The following USP13 variants were observed in gnomAD, a reference collection of about 807,000 sequenced individuals.
USP13 encodes ubiquitin carboxyl-terminal hydrolase 13.
USP13 carries 68 observed loss-of-function variants against 107.8 expected under a neutral mutation model. That is an observed-to-expected ratio of 0.63 (90% CI 0.52 to 0.77). USP13 has a LOEUF of 0.77. Among genes scored for constraint, USP13 ranks in the 30% least tolerant of loss-of-function variants. The pLI is 0.00. For missense variants in USP13, 945 were observed against 1,093.3 expected (o/e 0.86, Z 1.91); for synonymous variants, 377 against 389.5 (o/e 0.97, Z 0.38).
chr3:179,689,572 C>T (rs1426351174), intron 2 of USP13, among the ~76,000 whole-genome samples: 2 of 151,664 alleles, frequency 1.3e-5, no homozygotes, highest in East Asian at 1.9e-4. Flanking sequence ...GCAGGAGACT[C>T]GCTTGAACCC....
intron 1 of USP13, among the ~76,000 whole-genome samples, chr3:179,664,862 C>T (rs1053921949): frequency 3.9e-5 from 6 of 152,110 alleles, no homozygotes; most frequent in South Asian, 2.1e-4. Context: ...CTGAGGTGGG[C>T]GGATCACCTG....
At position 179,745,198 on chromosome 3, in the gene USP13, G is replaced by A; in HGVS notation, c.1690G>A (p.Ala564Thr). ...VDDFWSSALQ[A>T]KSAGVKTSRF... ...TGATTTCTGGAGCAGTGCCCTACAA[G>A]CAAAGTCTGCGGGTGTGAAGTAAGT... Residue 564 changes from alanine to threonine, a missense_variant, in exon 13 of 21, where the codon GCA (alanine) becomes ACA (threonine). Coordinates refer to ENST00000263966, the MANE Select transcript of USP13 (RefSeq NM_003940.3). 1.2e-6 allele frequency: 2 copies of A among 1,603,326 alleles called. No homozygotes were observed. The highest frequency in any genetic ancestry group is 1.7e-6 in the Non-Finnish European group (2 of 1,174,872).
chr3:179,765,731 A>G lies in USP13; in HGVS notation c.2296A>G (p.Ser766Gly). Reference sequence around the variant, plus strand: ...GGAAAGAGCACTGGATTGGATCTTTAGCCACCCTGAGTTTGAAGAAGACAG... The same window carrying G: ...GGAAAGAGCACTGGATTGGATCTTTGGCCACCCTGAGTTTGAAGAAGACAG... Reference protein sequence around the residue: ...NLERALDWIFSHPEFEEDSDF... With the variant: ...NLERALDWIFGHPEFEEDSDF... Residue 766 changes from serine (S) to glycine (G), a missense_variant, in exon 19 of 21, where the codon AGC becomes GGC. Coordinates refer to ENST00000263966, the MANE Select transcript of USP13 (RefSeq NM_003940.3). The G allele has an allele frequency of 6.2e-7, 1 of 1,614,200 alleles. No individual in the cohort carries two copies. Among genetic ancestry groups the G allele is most frequent in the Non-Finnish European group, 8.5e-7 (1 of 1,180,008 alleles).
At position 179,754,750 on chromosome 3, in the gene USP13, C is replaced by T. The variant is rs1204107730; in HGVS notation, c.1817C>T (p.Pro606Leu). ...PKKFDVSIDMPDLLDINHLRA... is the reference protein window; with the variant it reads ...PKKFDVSIDMLDLLDINHLRA... ...TTTGCAGATGTTTCTATTGATATGC[C>T]AGACCTACTTGATATCAACCATCTC... Residue 606 changes from proline (P) to leucine (L), a missense_variant, in exon 15 of 21, where the codon CCA (proline) becomes CTA (leucine). Transcript: ENST00000263966. 1 of 1,613,048 alleles carries T rather than the reference C, an allele frequency of 6.2e-7. No homozygotes were observed. Among genetic ancestry groups the T allele is most frequent in the Admixed American group, 1.7e-5 (1 of 59,806 alleles).
chr3:179,749,782 A>G (rs909150945), intron 13 of USP13, among the ~76,000 whole-genome samples: 2 of 152,138 alleles, frequency 1.3e-5, no homozygotes, highest in Non-Finnish European at 1.5e-5. Context: ...TACCGCTATT[A>G]TGGTATTACA....
At position 179,765,692 on chromosome 3, in the gene USP13, T is replaced by C; in HGVS notation, c.2260-3T>C. On this transcript the variant is annotated splice_region_variant and splice_polypyrimidine_tract_variant and intron_variant, in intron 18 of 20. Transcript: ENST00000263966. ...AAAACATCTGTTTCTTTTTTGTTGT[T>C]AGAATAATAACCTGGAAAGAGCACT... 6.2e-7 allele frequency: 1 copy of C among 1,613,806 alleles called. No individual in the cohort carries two copies. Among genetic ancestry groups the C allele is most frequent in the Non-Finnish European group, 8.5e-7 (1 of 1,179,858 alleles).
At chr3:179,724,783 T>G (rs1039505830) in intron 8 of USP13, among the ~76,000 whole-genome samples, 1 of 152,254 alleles carries the variant, frequency 6.6e-6, no homozygotes, top group Admixed American at 6.5e-5. Flanking sequence ...ATCTAGCGTT[T>G]CTTCTGCATT....
At chr3:179,693,630 G>A (rs894542735) in intron 3 of USP13, among the ~76,000 whole-genome samples, 4 of 152,024 alleles carry the variant, frequency 2.6e-5, no homozygotes, top group African/African-American at 9.7e-5. Flanking sequence ...GGTTACATCT[G>A]GTTTATGTAA....
rs755110784 is a variant in USP13, at chr3:179,784,136, A to ACCT, written c.2587_2588insCCT (p.Ser863delinsThrCys). On this transcript the variant is annotated protein_altering_variant, in exon 21 of 21. Coordinates refer to ENST00000263966, the MANE Select transcript of USP13 (RefSeq NM_003940.3). ...CATGTACTTTTACCGCAGGATACCAAGCTAAACCTCAAATATAAAAATTGG... is the reference window on the plus strand; with the variant it reads ...CATGTACTTTTACCGCAGGATACCAACCTGCTAAACCTCAAATATAAAAATTGG... The ACCT allele has an allele frequency of 6.2e-7, 1 of 1,602,652 alleles. No individual in the cohort carries two copies. Among genetic ancestry groups the ACCT allele is most frequent in the Non-Finnish European group, 8.5e-7 (1 of 1,177,224 alleles).
chr3:179,747,468 C>T (rs1266083142), intron 13 of USP13, among the ~76,000 whole-genome samples: 4 of 152,124 alleles, frequency 2.6e-5, no homozygotes, highest in Admixed American at 1.3e-4. Flanking sequence ...GCCTGGCCCT[C>T]GGCCACCCCT....
chr3:179,743,010 C>T (rs1327301666), intron 12 of USP13, among the ~76,000 whole-genome samples: 1 of 152,166 alleles, frequency 6.6e-6, no homozygotes, highest in African/African-American at 2.4e-5. Flanking sequence ...GACAAAATAG[C>T]TGCTGGATTG....
At chr3:179,662,558 A>G (rs1178797314) in intron 1 of USP13, among the ~76,000 whole-genome samples, 1 of 152,058 alleles carries the variant, frequency 6.6e-6, no homozygotes, top group East Asian at 1.9e-4. Flanking sequence ...GTCTTGAAAA[A>G]ATCCCTTTGC....
intron 14 of USP13, among the ~76,000 whole-genome samples, chr3:179,752,888 T>C (rs539761122): frequency 1.6e-3 from 248 of 152,292 alleles, no homozygotes; most frequent in Admixed American, 2.5e-3. Context: ...CTTAATAAAG[T>C]AGAAAAAAAG....
intron 3 of USP13, among the ~76,000 whole-genome samples, chr3:179,699,751 A>T (rs1366221637): frequency 0.013 from 935 of 70,608 alleles, 5 homozygotes; most frequent in Middle Eastern, 0.025. Context: ...TATTTATTTT[A>T]TTTATTTATT....
Position 179,730,278 on chromosome 3 carries a change from ATT to A in USP13, c.1160+28_1160+29del, listed in dbSNP as rs11309768. On this transcript the variant is annotated intron_variant, in intron 9 of 20. Transcript: ENST00000263966. Reference sequence around the variant, plus strand: ...ACACAGATGTAAGTGCCAGATTTGTATTTTTTTTTTTCTAGAAAAAGCATCCA... The same window carrying A: ...ACACAGATGTAAGTGCCAGATTTGTATTTTTTTTTCTAGAAAAAGCATCCA... The A allele has an allele frequency of 4.9e-4, 627 of 1,290,480 alleles. No individual in the cohort carries two copies. The highest frequency in any genetic ancestry group is 1.3e-3 in the Admixed American group (61 of 47,976). 79.9% of individuals were successfully genotyped at this position (1,290,480 alleles called of 1,614,324 possible).
At chr3:179,682,634 G>A (rs139354608) in intron 2 of USP13, among the ~76,000 whole-genome samples, 4 of 152,178 alleles carry the variant, frequency 2.6e-5, no homozygotes, top group African/African-American at 7.2e-5. Flanking sequence ...TGTCCATGTC[G>A]AGATACATCT....
chr3:179,757,899 G>A (rs1301964047), intron 16 of USP13, among the ~76,000 whole-genome samples: 3 of 152,180 alleles, frequency 2.0e-5, no homozygotes, highest in African/African-American at 7.2e-5. Flanking sequence ...AGGACAATGG[G>A]TAGCCTGGGA....
At chr3:179,726,989 A>G (rs1051393601) in intron 8 of USP13, among the ~76,000 whole-genome samples, 1 of 151,856 alleles carries the variant, frequency 6.6e-6, no homozygotes, top group African/African-American at 2.4e-5. Context: ...TACCTAATGA[A>G]TTTGCATCCC....
intron 8 of USP13, among the ~76,000 whole-genome samples, chr3:179,724,982 G>T (rs1713460601): frequency 6.6e-6 from 1 of 152,188 alleles, no homozygotes; most frequent in South Asian, 2.1e-4. Flanking sequence ...CACTTTGGGA[G>T]TCTGAGGTGG....
Sources: gnomAD v4.1 joint callset for allele counts (sites outside exome capture counted in the v4.1 genomes callset) on GRCh38, gnomAD v4.1.1 for gene constraint, MANE v1.5 for transcripts, NCBI Gene and HGNC (gene_info 2026-07-23, HGNC 2026-07-21) for gene names.